CYFIP2: variants seen among roughly 807,000 people sequenced by gnomAD.
CYFIP2 encodes cytoplasmic FMR1 interacting protein 2, also known as cytoplasmic FMR1-interacting protein 2.
Under a neutral mutation model 158.7 loss-of-function variants are expected in CYFIP2, and 29 were observed. The observed-to-expected ratio is 0.18, with a 90% CI of 0.14 to 0.25. The LOEUF is 0.25. Ranked by LOEUF, CYFIP2 falls within the 10% of genes least tolerant of loss-of-function variation. The pLI, the probability that CYFIP2 is intolerant of heterozygous loss-of-function variation, is 1.00. For missense variants in CYFIP2, 852 were observed against 1,639.5 expected, an observed-to-expected ratio of 0.52 and a Z score of 8.29; for synonymous variants, 585 against 617.6, an observed-to-expected ratio of 0.95 and a Z score of 0.78.
intron 8 of CYFIP2, chr5:157,304,630 A>G (rs1239586843): frequency 3.6e-6 from 1 of 278,996 alleles, no homozygotes; most frequent in Non-Finnish European, 6.2e-6. Flanking sequence ...GTCATGTAAC[A>G]TATCCCCTGT....
intron 1 of CYFIP2, among the ~76,000 whole-genome samples, chr5:157,284,522 T>C (rs1054447173): frequency 2.6e-5 from 4 of 152,260 alleles, no homozygotes; most frequent in Admixed American, 2.6e-4. Flanking sequence ...TGATTAGTTT[T>C]TAAGCAGTGT....
intron 3 of CYFIP2, among the ~76,000 whole-genome samples, chr5:157,291,136 G>T (rs1757786020): frequency 6.6e-6 from 1 of 152,196 alleles, no homozygotes; most frequent in African/African-American, 2.4e-5. Context: ...AAAAACACCA[G>T]TGCCCCACCC....
intron 8 of CYFIP2, among the ~76,000 whole-genome samples, chr5:157,305,119 A>G (rs570655637): frequency 1.3e-5 from 2 of 152,258 alleles, no homozygotes; most frequent in South Asian, 4.1e-4. Context: ...TTCATGATGT[A>G]TATATATAAC....
rs548939234 is a variant in CYFIP2 at position 157,367,809 on chromosome 5, C to T, written c.3039+6211C>T. Among the ~76,000 whole-genome samples, 310 of 139,878 alleles carry T rather than the reference C, an allele frequency of 2.2e-3. 1 individual carries two copies. Among genetic ancestry groups the T allele is most frequent in the African/African-American group, 7.7e-3 (285 of 36,874 alleles). 91.8% of individuals were successfully genotyped at this position (139,878 alleles called of 152,430 possible). On this transcript the variant is annotated intron_variant, in intron 26 of 30. Coordinates refer to ENST00000620254, the MANE Select transcript of CYFIP2 (RefSeq NM_001037333.3). ...TCACTCTGTTGCCCAGGCTGGAGTG[C>T]AGTGGCATGATCTCGGCTCACTGTA...
intron 23 of CYFIP2, among the ~76,000 whole-genome samples, chr5:157,347,695 A>G (rs1762794960): frequency 6.6e-6 from 1 of 152,222 alleles, no homozygotes; most frequent in African/African-American, 2.4e-5. Flanking sequence ...TTCCACAGAA[A>G]ATTGGAATTT....
At chr5:157,392,496 G>T (rs1312747047) in intron 30 of CYFIP2, among the ~76,000 whole-genome samples, 2 of 152,192 alleles carry the variant, frequency 1.3e-5, no homozygotes, top group Non-Finnish European at 2.9e-5. Context: ...CCATTGAACA[G>T]TCTTGGCACC....
chr5:157,354,124 T>G (rs1217029871), intron 23 of CYFIP2, among the ~76,000 whole-genome samples: 1 of 152,200 alleles, frequency 6.6e-6, no homozygotes, highest in Non-Finnish European at 1.5e-5. Context: ...TAAAAATGCT[T>G]TTTTGCTTTT....
chr5:157,363,564 G>T (rs1000797417), intron 26 of CYFIP2: 2 of 152,640 alleles, frequency 1.3e-5, no homozygotes, highest in Non-Finnish European at 2.9e-5. Context: ...TAAGGAATAG[G>T]GAGGACCTCA....
intron 1 of CYFIP2, among the ~76,000 whole-genome samples, chr5:157,273,585 G>A (rs978252091): frequency 6.6e-6 from 1 of 152,018 alleles, no homozygotes; most frequent in African/African-American, 2.4e-5. Context: ...GCTCTGTGGG[G>A]TGGTATGGTT....
chr5:157,328,655 A>G (rs1178826014), intron 19 of CYFIP2, among the ~76,000 whole-genome samples: 1 of 152,228 alleles, frequency 6.6e-6, no homozygotes, highest in Non-Finnish European at 1.5e-5. Context: ...CCAGCTTTGT[A>G]GCTGTTTCTC....
intron 17 of CYFIP2, 161 bp downstream of exon 17, chr5:157,325,799 C>A (rs1055070288): frequency 3.6e-5 from 28 of 775,784 alleles, no homozygotes; most frequent in Non-Finnish European, 9.7e-6. Flanking sequence ...TCATTTAATT[C>A]AGCCTTGCAG....
intron 26 of CYFIP2, among the ~76,000 whole-genome samples, chr5:157,369,851 G>A (rs2441014): frequency 0.04 from 6,023 of 149,386 alleles, 169 homozygotes; most frequent in Non-Finnish European, 0.066. Context: ...CTGTCACAAG[G>A]AAAACAAAAT....
At chr5:157,272,319 A>G (rs1021380752) in intron 1 of CYFIP2, among the ~76,000 whole-genome samples, 1 of 152,224 alleles carries the variant, frequency 6.6e-6, no homozygotes, top group Non-Finnish European at 1.5e-5. Context: ...GACTGAAACA[A>G]CAAAGACCAC....
At chr5:157,369,898 T>TTTA (rs1491562708) in intron 26 of CYFIP2, among the ~76,000 whole-genome samples, 1 of 149,562 alleles carries the variant, frequency 6.7e-6, no homozygotes, top group East Asian at 2.0e-4. Flanking sequence ...TTTTTTTTTT[T>TTTA]AAAGACAGAG....
At chr5:157,325,851 C>A in intron 17 of CYFIP2, 1 of 565,552 alleles carries the variant, frequency 1.8e-6, no homozygotes, top group Non-Finnish European at 3.0e-6. Context: ...CTTCCTATGC[C>A]TTGTCAGCCT....
rs1178517307 is a variant in CYFIP2 at position 157,285,497 on chromosome 5, A to G, written c.117+19A>G. The G allele has an allele frequency of 1.3e-5, 20 of 1,550,682 alleles. No individual in the cohort carries two copies. Among genetic ancestry groups the G allele is most frequent in the Non-Finnish European group, 1.7e-5 (20 of 1,145,020 alleles). ...GTACCAGGTAATGGAAATGGTAGAT[A>G]GCACCAGGGGGCCCAGGAATTCTGG... On this transcript the variant is annotated intron_variant, in intron 2 of 30. Transcript: ENST00000620254.
At chr5:157,283,227 T>G (rs532680388) in intron 1 of CYFIP2, among the ~76,000 whole-genome samples, 6 of 152,292 alleles carry the variant, frequency 3.9e-5, no homozygotes, top group Non-Finnish European at 8.8e-5. Context: ...TACCTACCTT[T>G]ATAGGGTGGA....
intron 28 of CYFIP2, among the ~76,000 whole-genome samples, chr5:157,388,356 T>C (rs969803225): frequency 6.6e-6 from 1 of 152,214 alleles, no homozygotes; most frequent in Non-Finnish European, 1.5e-5. Flanking sequence ...ATAGAGGTCA[T>C]TTGTAACTGT....
At chr5:157,330,556 C>T (rs1761377361) in intron 19 of CYFIP2, among the ~76,000 whole-genome samples, 186 bp from the exon 20 acceptor site, 1 of 152,144 alleles carries the variant, frequency 6.6e-6, no homozygotes, top group Non-Finnish European at 1.5e-5. Flanking sequence ...CTCTGTTTCA[C>T]ATATTGAGCT....
Sources: gnomAD v4.1 joint callset for allele counts (sites outside exome capture counted in the v4.1 genomes callset) on GRCh38, gnomAD v4.1.1 for gene constraint, MANE v1.5 for transcripts, NCBI Gene and HGNC (gene_info 2026-07-23, HGNC 2026-07-21) for gene names.